NCAM2: variants seen among roughly 807,000 people sequenced by gnomAD.
NCAM2 encodes the protein neural cell adhesion molecule 2, also known as N-CAM-2.
NCAM2 carries 30 observed loss-of-function variants against 98.1 expected under a neutral mutation model. That is an observed-to-expected ratio of 0.31 (90% CI 0.23 to 0.41). The LOEUF (loss-of-function observed/expected upper bound fraction) is 0.41. NCAM2 is among the 10% of genes least tolerant of loss of function. The pLI is 1.00. For missense variants in NCAM2, 867 were observed against 1,005.8 expected (o/e 0.86, Z 1.87); for synonymous variants, 368 against 342.4 (o/e 1.07, Z -0.83).
chr21:21,097,378 A>C (rs975053260), intron 1 of NCAM2, among the ~76,000 whole-genome samples: 1 of 151,746 alleles, frequency 6.6e-6, no homozygotes, highest in East Asian at 1.9e-4. Context: ...TTATTTCACT[A>C]AACAGTGGAA....
chr21:21,104,316 T>G (rs1440033898), intron 1 of NCAM2, among the ~76,000 whole-genome samples: 1 of 152,174 alleles, frequency 6.6e-6, no homozygotes, highest in Non-Finnish European at 1.5e-5. Flanking sequence ...TATATCTGCA[T>G]GTCAAATGCA....
chr21:21,108,920 G>A (rs941376080), intron 1 of NCAM2, among the ~76,000 whole-genome samples: 15 of 152,046 alleles, frequency 9.9e-5, no homozygotes, highest in African/African-American at 3.6e-4. Flanking sequence ...TAACTCTCGG[G>A]TATCACCATA....
intron 1 of NCAM2, among the ~76,000 whole-genome samples, chr21:21,022,740 G>A (rs1002900347): frequency 6.6e-6 from 1 of 151,894 alleles, no homozygotes; most frequent in African/African-American, 2.4e-5. Flanking sequence ...TTTTTTTAAT[G>A]TTTCACTTTG....
chr21:21,251,222 G>A (rs969743254), intron 1 of NCAM2, among the ~76,000 whole-genome samples: 22 of 152,090 alleles, frequency 1.4e-4, no homozygotes, highest in African/African-American at 4.6e-4. Context: ...TGTTACGTAG[G>A]TATACATGTG....
At chr21:21,182,312 C>T (rs991223798) in intron 1 of NCAM2, among the ~76,000 whole-genome samples, 3 of 151,962 alleles carry the variant, frequency 2.0e-5, no homozygotes, top group African/African-American at 7.3e-5. Context: ...TATTAGTTTC[C>T]TCATTGGCAC....
intron 1 of NCAM2, among the ~76,000 whole-genome samples, chr21:21,007,149 A>G (rs2064127092): frequency 6.6e-6 from 1 of 152,156 alleles, no homozygotes; most frequent in South Asian, 2.1e-4. Flanking sequence ...AAATCAGCCA[A>G]TGTACTGACT....
At chr21:21,098,335 C>T (rs1237974391) in intron 1 of NCAM2, among the ~76,000 whole-genome samples, 2 of 151,690 alleles carry the variant, frequency 1.3e-5, no homozygotes, top group African/African-American at 2.4e-5. Context: ...CTGTATCTCT[C>T]AACTGTAAAA....
At chr21:21,266,103 C>T (rs989094964) in intron 1 of NCAM2, among the ~76,000 whole-genome samples, 2 of 152,106 alleles carry the variant, frequency 1.3e-5, no homozygotes, top group East Asian at 3.9e-4. Flanking sequence ...GTTTTTGCTT[C>T]CTTCTACCTG....
At chr21:21,125,533 A>AATATATT (rs2066791593) in intron 1 of NCAM2, among the ~76,000 whole-genome samples, 1 of 13,056 alleles carries the variant, frequency 7.7e-5, no homozygotes, top group Admixed American at 9.1e-4. Flanking sequence ...TGTAATATAT[A>AATATATT]AAATATATAT....
chr21:21,502,620 G>A (rs577335576), intron 15 of NCAM2, among the ~76,000 whole-genome samples: 6 of 151,992 alleles, frequency 3.9e-5, no homozygotes, highest in African/African-American at 1.2e-4. Flanking sequence ...ATTGTACTAC[G>A]AAGGACGAAG....
intron 9 of NCAM2, among the ~76,000 whole-genome samples, chr21:21,392,951 T>G (rs1410508025): frequency 6.6e-6 from 1 of 152,190 alleles, no homozygotes; most frequent in Admixed American, 6.5e-5. Context: ...CTCTTTAGTT[T>G]AATTATACCC....
rs558649121 is a variant in NCAM2, at chr21:21,241,175, G to A, written c.56-39403G>A. Reference sequence around the variant, plus strand: ...AAACACTTTCAATTAAAAACAAAAAGTTTTTGGACATTTAGAATGTCAAGA... The same window carrying A: ...AAACACTTTCAATTAAAAACAAAAAATTTTTGGACATTTAGAATGTCAAGA... On this transcript the variant is annotated intron_variant, in intron 1 of 17. Coordinates refer to ENST00000400546, the MANE Select transcript of NCAM2 (RefSeq NM_004540.5). Among the ~76,000 whole-genome samples, 4 of 151,952 alleles carry A rather than the reference G, an allele frequency of 2.6e-5. No homozygotes were observed. The South Asian group carries it at 8.3e-4, about 32-fold the overall frequency.
intron 1 of NCAM2, among the ~76,000 whole-genome samples, chr21:21,150,929 A>C (rs1471657282): frequency 6.6e-6 from 1 of 151,696 alleles, no homozygotes; most frequent in Non-Finnish European, 1.5e-5. Context: ...GACAAAATTT[A>C]TGGGCTATGT....
At chr21:21,157,123 A>G (rs1214846939) in intron 1 of NCAM2, among the ~76,000 whole-genome samples, 2 of 152,070 alleles carry the variant, frequency 1.3e-5, no homozygotes, top group African/African-American at 4.8e-5. Context: ...AAGGGTGACT[A>G]CACTATTTGT....
chr21:21,046,992 A>T (rs1455565633), intron 1 of NCAM2, among the ~76,000 whole-genome samples: 1 of 152,166 alleles, frequency 6.6e-6, no homozygotes, highest in Non-Finnish European at 1.5e-5. Flanking sequence ...CCTTTATTGT[A>T]TTAAATAAGA....
intron 1 of NCAM2, among the ~76,000 whole-genome samples, chr21:21,190,442 A>G (rs926285638): frequency 6.6e-6 from 1 of 152,168 alleles, no homozygotes; most frequent in African/African-American, 2.4e-5. Flanking sequence ...AAGAAATTTC[A>G]TCACTAAGTA....
chr21:21,534,993 AT>A (rs1326005005), intron 17 of NCAM2, among the ~76,000 whole-genome samples: 25 of 152,270 alleles, frequency 1.6e-4, no homozygotes, highest in African/African-American at 5.8e-4. Flanking sequence ...TAAAATAATT[AT>A]ATTTACTGAA....
chr21:21,336,545 C>A (rs2074875940), intron 7 of NCAM2, among the ~76,000 whole-genome samples: 1 of 151,430 alleles, frequency 6.6e-6, no homozygotes. Flanking sequence ...TGCACATGTA[C>A]CCTAAAAAAG....
At chr21:21,411,073 C>CATATATATGTGTATAT (rs1569033269) in intron 10 of NCAM2, among the ~76,000 whole-genome samples, 1 of 15,862 alleles carries the variant, frequency 6.3e-5, no homozygotes, top group Non-Finnish European at 1.1e-4. Context: ...TATATATACA[C>CATATATATGTGTATAT]ACACATATAT....
Sources: allele counts gnomAD v4.1 joint callset (sites outside exome capture counted in the v4.1 genomes callset), GRCh38; gene constraint gnomAD v4.1.1; transcripts MANE v1.5; gene names NCBI Gene and HGNC (gene_info 2026-07-23, HGNC 2026-07-21).